The following SYT5 variants were observed in gnomAD, a reference collection of about 807,000 sequenced individuals.
SYT5 encodes the protein synaptotagmin 5, also known as synaptotagmin-5.
SYT5 carries 29 observed loss-of-function variants against 36.0 expected under a neutral mutation model. The ratio of observed to expected loss-of-function variants is 0.81; its 90% CI spans 0.60 to 1.10. The LOEUF (loss-of-function observed/expected upper bound fraction) is 1.10. Among genes scored for constraint, SYT5 ranks in the 50% least tolerant of loss-of-function variants. The pLI, the probability that SYT5 is intolerant of heterozygous loss-of-function variation, is 0.00. For missense variants in SYT5, 512 were observed against 516.0 expected, an observed-to-expected ratio of 0.99 and a Z score of 0.08; for synonymous variants, 231 against 227.6, an observed-to-expected ratio of 1.02 and a Z score of -0.14.
Position 55,173,734 on chromosome 19 carries a change from C to T in SYT5, c.961-50G>A. The T allele has an allele frequency of 7.7e-7, 1 of 1,306,378 alleles. No homozygotes were observed. The allele number at this position is 1,306,378 out of a possible 1,614,324, so 80.9% of individuals were successfully genotyped here. On this transcript the variant is annotated intron_variant, in intron 8 of 8. Transcript: ENST00000354308. The surrounding 1 kb of genome is among the most constrained non-coding windows in gnomAD (Gnocchi z 5.4). ...GAGAGAGGAGCGTGAGGGGAGGAGG[C>T]CCCGGAAGGGGCGGTGTCCGTTTTC...
chr19:55,178,753 ATTTTTTTTTTTTTTTTTT>A (rs5828614), intron 2 of SYT5, among the ~76,000 whole-genome samples, 192 bp downstream of exon 2: 17 of 50,486 alleles, frequency 3.4e-4, no homozygotes, highest in African/African-American at 7.8e-4. Context: ...TCCGGTTTCG[ATTTTTTTTTTTTTTTTTT>A]TTTTTTTTTT....
chr19:55,175,028 C>T lies in SYT5; in HGVS notation c.709-29G>A, dbSNP rs1403420007. ...AAAGGAGAGGGGCCCATCACCAGAGCCCCGGCTCCACATCCATGCCTCCTC... is the reference window on the plus strand; with the variant it reads ...AAAGGAGAGGGGCCCATCACCAGAGTCCCGGCTCCACATCCATGCCTCCTC... On this transcript the variant is annotated intron_variant, in intron 6 of 8. Transcript: ENST00000354308. The surrounding 1 kb of genome is among the most constrained non-coding windows in gnomAD (Gnocchi z 4.5). 22 of 1,608,770 alleles carry T rather than the reference C, an allele frequency of 1.4e-5. No individual in the cohort carries two copies. Among genetic ancestry groups the T allele is most frequent in the Middle Eastern group, 1.7e-4 (1 of 6,054 alleles).
In SYT5 at chr19:55,173,765, T is replaced by C; in HGVS notation, c.961-81A>G. 7.8e-6 allele frequency: 10 copies of C among 1,279,448 alleles called. No homozygotes were observed. The highest frequency in any genetic ancestry group is 1.0e-5 in the Non-Finnish European group (10 of 1,002,686). 79.3% of individuals were successfully genotyped at this position (1,279,448 alleles called of 1,614,324 possible). ...AAGGGGCGGTGTCCGTTTTCACGGC[T>C]GAGGGTACCTCTCGCTGCCACCCGA... On this transcript the variant is annotated intron_variant, in intron 8 of 8. Transcript: ENST00000354308. This position sits in a 1 kb window ranked among gnomAD's most constrained non-coding sequence, Gnocchi z 5.4.
At chr19:55,174,089 C>CCTGGTCCTGCTTAGGGTGGGGAAT (rs2086038398) in intron 8 of SYT5, 1 of 204,912 alleles carries the variant, frequency 4.9e-6, no homozygotes. Context: ...GGCGGGGCAT[C>CCTGGTCCTGCTTAGGGTGGGGAAT]CTGGTCCTGC....
rs769965992 is a variant in SYT5 at position 55,175,928 on chromosome 19, C to T, written c.373-52G>A. ...GGTGGGGAACACTAGTCTTAGCCTC[C>T]CTTCCATGGCTCCTTTCAGAAGGGG... On this transcript the variant is annotated intron_variant, in intron 4 of 8. Transcript: ENST00000354308. This position sits in a 1 kb window ranked among gnomAD's most constrained non-coding sequence, Gnocchi z 4.5. The T allele has an allele frequency of 1.5e-5, 24 of 1,613,126 alleles. No individual in the cohort carries two copies. The highest frequency in any genetic ancestry group is 2.0e-5 in the Non-Finnish European group (23 of 1,179,386).
chr19:55,173,437 G>T lies in SYT5; in HGVS notation c.*47C>A. ...GGCTTTGGCCGGTCTCGGGAGTCTGGGGTCAGGGGCTAGAGTCCAGGCTTG... is the reference window on the plus strand; with the variant it reads ...GGCTTTGGCCGGTCTCGGGAGTCTGTGGTCAGGGGCTAGAGTCCAGGCTTG... On this transcript the variant is annotated 3_prime_UTR_variant, in exon 9 of 9. Coordinates refer to ENST00000354308, the MANE Select transcript of SYT5 (RefSeq NM_003180.3). The surrounding 1 kb of genome is among the most constrained non-coding windows in gnomAD (Gnocchi z 5.4). 1 of 1,313,108 alleles carries T rather than the reference G, an allele frequency of 7.6e-7. No homozygotes were observed. The highest frequency in any genetic ancestry group is 9.7e-7 in the Non-Finnish European group (1 of 1,031,076). The allele number at this position is 1,313,108 out of a possible 1,614,324, so 81.3% of individuals were successfully genotyped here. A position where few individuals can be genotyped will look rare whatever the true frequency, so the allele number is the denominator to read the frequency against.
rs562603318 is a variant in SYT5 at position 55,174,420 on chromosome 19, A to C, written c.960+97T>G. The C allele has an allele frequency of 2.3e-4, 336 of 1,487,614 alleles. 1 individual carries two copies. The highest frequency in any genetic ancestry group is 1.4e-5 in the Non-Finnish European group (16 of 1,103,842). The allele number at this position is 1,487,614 out of a possible 1,614,324, so 92.2% of individuals were successfully genotyped here. A position where few individuals can be genotyped will look rare whatever the true frequency, so the allele number is the denominator to read the frequency against. On this transcript the variant is annotated intron_variant, in intron 8 of 8. Coordinates refer to ENST00000354308, the MANE Select transcript of SYT5 (RefSeq NM_003180.3). ...TGAGAGCATAACCTCAGACCCCCTC[A>C]CCTGGTTTCTAGGGAGATGCTAAAA...
At position 55,175,304 on chromosome 19, in the gene SYT5, G is replaced by A; in HGVS notation, c.576C>T (p.Val192=). 1 of 1,565,598 alleles carries A rather than the reference G, an allele frequency of 6.4e-7. No homozygotes were observed. The highest frequency in any genetic ancestry group is 8.6e-7 in the Non-Finnish European group (1 of 1,157,298). Residue 192 remains valine, a synonymous_variant, in exon 6 of 9, where the codon GTC becomes GTT. Coordinates refer to ENST00000354308, the MANE Select transcript of SYT5 (RefSeq NM_003180.3). This position sits in a 1 kb window ranked among gnomAD's most constrained non-coding sequence, Gnocchi z 4.5. ...AGCGGTCGAAGTCGTACACCGCCATGACCAGCACCCTGCCCCCCAGCTCCA... is the reference window on the plus strand; with the variant it reads ...AGCGGTCGAAGTCGTACACCGCCATAACCAGCACCCTGCCCCCCAGCTCCA... ...PYVELGGRVL[V]MAVYDFDRFS...
rs941788650 is a variant in SYT5 at position 55,175,685 on chromosome 19, CGG to C, written c.540+22_540+23del. The C allele has an allele frequency of 4.3e-6, 7 of 1,610,422 alleles. No homozygotes were observed. The African/African-American group carries it at 9.4e-5, about 22-fold the overall frequency. ...GGGACTGGGCACAGGCTATGGAACA[CGG>C]GGCCTGAAGGCAGGAGCTCACCTTG... On this transcript the variant is annotated intron_variant, in intron 5 of 8. Coordinates refer to ENST00000354308, the MANE Select transcript of SYT5 (RefSeq NM_003180.3). This position sits in a 1 kb window ranked among gnomAD's most constrained non-coding sequence, Gnocchi z 4.5.
At chr19:55,174,487 G>T in intron 8 of SYT5, 30 bp downstream of exon 8, 2 of 1,610,102 alleles carry the variant, frequency 1.2e-6, no homozygotes, top group South Asian at 1.1e-5. Flanking sequence ...AAAGGTCTGG[G>T]CTCTTGGAGA....
Position 55,175,091 on chromosome 19 carries a change from C to T in SYT5, c.708+81G>A. The T allele has an allele frequency of 6.3e-7, 1 of 1,590,270 alleles. No homozygotes were observed. On this transcript the variant is annotated intron_variant, in intron 6 of 8. Coordinates refer to ENST00000354308, the MANE Select transcript of SYT5 (RefSeq NM_003180.3). The surrounding 1 kb of genome is among the most constrained non-coding windows in gnomAD (Gnocchi z 4.5). ...CACGCCGCCCTGAGGGTCTGGAAAG[C>T]CTATGATCTGATTGGCTCAGGATGT...
chr19:55,172,167 T>A lies in SYT5; in HGVS notation c.*1317A>T, dbSNP rs890839807. 3 of 151,962 alleles carry A rather than the reference T, an allele frequency of 2.0e-5. No homozygotes were observed. Among genetic ancestry groups the A allele is most frequent in the Non-Finnish European group, 4.4e-5 (3 of 68,032 alleles). The allele number at this position is 151,962 out of a possible 1,614,324, so 9.4% of individuals were successfully genotyped here. A position where few individuals can be genotyped will look rare whatever the true frequency, so the allele number is the denominator to read the frequency against. Reference sequence around the variant, plus strand: ...CGGGCGCGGTGGCTCACGCCTGTAATCCTAGCACATTGGGAGGCCGAGGCG... The same window carrying A: ...CGGGCGCGGTGGCTCACGCCTGTAAACCTAGCACATTGGGAGGCCGAGGCG... On this transcript the variant is annotated 3_prime_UTR_variant, in exon 9 of 9. Transcript: ENST00000354308.
In SYT5 at chr19:55,179,637, C is replaced by T. The variant is rs1014051155; in HGVS notation, c.-46+480G>A. ...CCGAGCGCCCACAGCCGACTGCTCC[C>T]TCCGCACCTGGTCCTGGGAGCTGAG... On this transcript the variant is annotated intron_variant, in intron 1 of 8. Coordinates refer to ENST00000354308, the MANE Select transcript of SYT5 (RefSeq NM_003180.3). The surrounding 1 kb of genome is among the most constrained non-coding windows in gnomAD (Gnocchi z 4.5). 6.2e-6 allele frequency: 1 copy of T among 160,636 alleles called. No homozygotes were observed. The highest frequency in any genetic ancestry group is 1.4e-5 in the Non-Finnish European group (1 of 73,962). 10.0% of individuals were successfully genotyped at this position (160,636 alleles called of 1,614,324 possible). A position where few individuals can be genotyped will look rare whatever the true frequency, so the allele number is the denominator to read the frequency against.
rs528255977 is a variant in SYT5, at chr19:55,176,813, C to G, written c.253-689G>C. 3.3e-5 allele frequency among the ~76,000 whole-genome samples: 5 copies of G among 152,266 alleles called. No homozygotes were observed. In the East Asian group the frequency reaches 9.6e-4, roughly 29 times the overall value. On this transcript the variant is annotated intron_variant, in intron 3 of 8. Coordinates refer to ENST00000354308, the MANE Select transcript of SYT5 (RefSeq NM_003180.3). ...GGACACCAGGACCCTAAATAGCATC[C>G]TTTACGGATGCTAATTGAACAGCTC...
Position 55,173,502 on chromosome 19 carries a change from C to T in SYT5, c.1143G>A (p.Arg381=). The part of the protein sequence containing the change: ...WHSLRPPDRV[R]LLPAP ...GTGGGAGTCAGGGCGCAGGCAGCAG[C>T]CTCACTCGGTCCGGGGGCCGCAGCG... Residue 381 remains arginine, a synonymous_variant, in exon 9 of 9, where the codon AGG becomes AGA. Coordinates refer to ENST00000354308, the MANE Select transcript of SYT5 (RefSeq NM_003180.3). The surrounding 1 kb of genome is among the most constrained non-coding windows in gnomAD (Gnocchi z 5.4). The T allele has an allele frequency of 7.3e-7, 1 of 1,375,046 alleles. No individual in the cohort carries two copies. Among genetic ancestry groups the T allele is most frequent in the Non-Finnish European group, 9.4e-7 (1 of 1,063,470 alleles). The allele number at this position is 1,375,046 out of a possible 1,614,324, so 85.2% of individuals were successfully genotyped here. A position where few individuals can be genotyped will look rare whatever the true frequency, so the allele number is the denominator to read the frequency against.
chr19:55,175,572 C>A lies in SYT5; in HGVS notation c.540+137G>T. 8.0e-7 allele frequency: 1 copy of A among 1,246,958 alleles called. No homozygotes were observed. 77.2% of individuals were successfully genotyped at this position (1,246,958 alleles called of 1,614,324 possible). A position where few individuals can be genotyped will look rare whatever the true frequency, so the allele number is the denominator to read the frequency against. ...CCCAGGAGTCAGTAGTGCCCAGGGT[C>A]CAGTGGAATAGCCCCAGAGCTGGTA... On this transcript the variant is annotated intron_variant, in intron 5 of 8. Transcript: ENST00000354308. This position sits in a 1 kb window ranked among gnomAD's most constrained non-coding sequence, Gnocchi z 4.5.
chr19:55,179,104 C>T lies in SYT5; in HGVS notation c.-45-18G>A, dbSNP rs754117263. The T allele has an allele frequency of 1.9e-6, 3 of 1,553,796 alleles. No homozygotes were observed. Among genetic ancestry groups the T allele is most frequent in the East Asian group, 2.4e-5 (1 of 41,814 alleles). ...CAAGCACCCTAGTCCCCCATTCCCA[C>T]CCCAGACGTCCTTTGAGCCCCACGC... On this transcript the variant is annotated intron_variant, in intron 1 of 8. Coordinates refer to ENST00000354308, the MANE Select transcript of SYT5 (RefSeq NM_003180.3). The surrounding 1 kb of genome is among the most constrained non-coding windows in gnomAD (Gnocchi z 4.5).
chr19:55,175,662 G>A lies in SYT5; in HGVS notation c.540+47C>T. 1 of 1,600,228 alleles carries A rather than the reference G, an allele frequency of 6.2e-7. No homozygotes were observed. Among genetic ancestry groups the A allele is most frequent in the Non-Finnish European group, 8.5e-7 (1 of 1,171,990 alleles). ...AGGGGTCGGTCCCTAGTGTTCCAGGGACTGGGCACAGGCTATGGAACACGG... is the reference window on the plus strand; with the variant it reads ...AGGGGTCGGTCCCTAGTGTTCCAGGAACTGGGCACAGGCTATGGAACACGG... On this transcript the variant is annotated intron_variant, in intron 5 of 8. Coordinates refer to ENST00000354308, the MANE Select transcript of SYT5 (RefSeq NM_003180.3). This position sits in a 1 kb window ranked among gnomAD's most constrained non-coding sequence, Gnocchi z 4.5.
intron 2 of SYT5, among the ~76,000 whole-genome samples, 178 bp from the exon 3 acceptor site, chr19:55,178,546 A>T (rs1389403645): frequency 1.3e-5 from 2 of 151,972 alleles, no homozygotes; most frequent in East Asian, 3.9e-4. Flanking sequence ...CGATGCCCCA[A>T]CCCAGGCTGA....
Sources: gnomAD v4.1 joint callset for allele counts (sites outside exome capture counted in the v4.1 genomes callset) on GRCh38, gnomAD v4.1.1 for gene constraint, Gnocchi (gnomAD v3.1) non-coding constraint, MANE v1.5 for transcripts, NCBI Gene and HGNC (gene_info 2026-07-23, HGNC 2026-07-21) for gene names.